The following SEMA6D variants were observed in gnomAD, a reference collection of about 807,000 sequenced individuals.
The protein encoded by SEMA6D is semaphorin-6D.
In SEMA6D, 35 loss-of-function variants were observed where a neutral mutation model predicts 106.6. That is an observed-to-expected ratio of 0.33 (90% confidence interval 0.25 to 0.44). SEMA6D has a LOEUF of 0.44. Among genes scored for constraint, SEMA6D ranks in the 20% least tolerant of loss-of-function variants. SEMA6D has a pLI of 1.00. For synonymous variants in SEMA6D, 499 were observed against 487.7 expected (o/e 1.02, Z -0.31); for missense variants, 1,185 against 1,345.9 (o/e 0.88, Z 1.87).
chr15:47,500,922 C>G (rs1438498607), intron 3 of SEMA6D, among the ~76,000 whole-genome samples: 1 of 152,090 alleles, frequency 6.6e-6, no homozygotes, highest in African/African-American at 2.4e-5. Flanking sequence ...TTTGCAAAAG[C>G]CAACACATAT....
intron 1 of SEMA6D, among the ~76,000 whole-genome samples, chr15:47,396,017 G>T (rs1054805783): frequency 6.6e-6 from 1 of 152,006 alleles, no homozygotes; most frequent in Non-Finnish European, 1.5e-5. Flanking sequence ...TGAAATTCAT[G>T]GTTTTATAAG....
chr15:47,472,185 G>A (rs2042870720), intron 3 of SEMA6D, among the ~76,000 whole-genome samples: 1 of 152,110 alleles, frequency 6.6e-6, no homozygotes, highest in African/African-American at 2.4e-5. Flanking sequence ...TCTCAAAGGG[G>A]CCAAAGTGCT....
chr15:47,519,526 A>G (rs1239281743), intron 3 of SEMA6D, among the ~76,000 whole-genome samples: 2 of 152,224 alleles, frequency 1.3e-5, no homozygotes, highest in Admixed American at 1.3e-4. Flanking sequence ...CGTAAACAAC[A>G]TCAGGACAGC....
chr15:47,282,395 A>C (rs528377311), intron 1 of SEMA6D, among the ~76,000 whole-genome samples: 2 of 152,180 alleles, frequency 1.3e-5, no homozygotes, highest in Non-Finnish European at 2.9e-5. Context: ...ATAGAATACT[A>C]TACAGCAGGG....
intron 1 of SEMA6D, among the ~76,000 whole-genome samples, chr15:47,726,644 A>G (rs2079771139): frequency 6.6e-6 from 1 of 152,192 alleles, no homozygotes; most frequent in South Asian, 2.1e-4. Context: ...TTTTCACCTT[A>G]TAAAAGGTGG....
chr15:47,352,555 G>A (rs1799578352), intron 1 of SEMA6D, among the ~76,000 whole-genome samples: 1 of 152,166 alleles, frequency 6.6e-6, no homozygotes, highest in Non-Finnish European at 1.5e-5. Context: ...CCCATGAGGA[G>A]CTGACCTTGA....
intron 1 of SEMA6D, among the ~76,000 whole-genome samples, chr15:47,250,583 A>C (rs188066083): frequency 6.6e-6 from 1 of 152,196 alleles, no homozygotes; most frequent in Non-Finnish European, 1.5e-5. Flanking sequence ...AAACATTTGG[A>C]AATTGTATAA....
intron 1 of SEMA6D, among the ~76,000 whole-genome samples, chr15:47,245,777 C>A (rs781521920): frequency 6.6e-6 from 1 of 151,960 alleles, no homozygotes; most frequent in Non-Finnish European, 1.5e-5. Flanking sequence ...GTATCCTGAA[C>A]ATTAAATACA....
At chr15:47,657,715 A>ATTTTTTT (rs1555404884) in intron 4 of SEMA6D, among the ~76,000 whole-genome samples, 1 of 44,784 alleles carries the variant, frequency 2.2e-5, no homozygotes, top group Non-Finnish European at 4.4e-5. Flanking sequence ...AGAGGGCTTC[A>ATTTTTTT]TTTCTTTTTT....
intron 3 of SEMA6D, among the ~76,000 whole-genome samples, chr15:47,509,641 T>C (rs1164705228): frequency 6.6e-6 from 1 of 152,236 alleles, no homozygotes; most frequent in Non-Finnish European, 1.5e-5. Context: ...ACACCTTCAC[T>C]CATCCTGTTT....
chr15:47,613,811 C>T (rs1423690445), intron 4 of SEMA6D, among the ~76,000 whole-genome samples: 10 of 152,194 alleles, frequency 6.6e-5, no homozygotes, highest in Non-Finnish European at 8.8e-5. Context: ...CCCGCCACCA[C>T]GCCCAGCTAA....
At chr15:47,730,042 T>G (rs1236750335) in intron 1 of SEMA6D, 8 of 625,294 alleles carry the variant, frequency 1.3e-5, no homozygotes, top group Admixed American at 2.7e-5. Flanking sequence ...AATGCTATGT[T>G]TATCTTCCCA....
rs892401174 is a variant in SEMA6D, at chr15:47,771,339, G to A, written c.2776G>A (p.Glu926Lys). Residue 926 changes from glutamate to lysine, a missense_variant, in exon 19 of 19, where the codon GAG becomes AAG. Transcript: ENST00000536845. ...GGTCCCACCTAAAGTCCCTAACCGG[G>A]AGGCATCGCTATACTCCCCTCCTTC... ...SEVPPKVPNR[E>K]ASLYSPPSTL... 3 of 1,613,918 alleles carry A rather than the reference G, an allele frequency of 1.9e-6. No homozygotes were observed. Among genetic ancestry groups the A allele is most frequent in the South Asian group, 2.2e-5 (2 of 91,060 alleles).
intron 1 of SEMA6D, among the ~76,000 whole-genome samples, chr15:47,401,535 C>T (rs913868887): frequency 6.6e-6 from 1 of 152,058 alleles, no homozygotes; most frequent in East Asian, 1.9e-4. Flanking sequence ...AATGCGTAAC[C>T]CCTCTTCTTC....
chr15:47,730,947 G>A, intron 1 of SEMA6D: 1 of 705,578 alleles, frequency 1.4e-6, no homozygotes, highest in Non-Finnish European at 2.5e-6. Flanking sequence ...TTGGGCAGCG[G>A]GAGGAGAGAG....
At chr15:47,755,145 T>C (rs1254476865) in intron 1 of SEMA6D, among the ~76,000 whole-genome samples, 1 of 152,052 alleles carries the variant, frequency 6.6e-6, no homozygotes, top group Non-Finnish European at 1.5e-5. Context: ...AGAGACAGGG[T>C]TTCACCATGT....
chr15:47,298,785 T>C (rs1218464847), intron 1 of SEMA6D, among the ~76,000 whole-genome samples: 5 of 152,164 alleles, frequency 3.3e-5, no homozygotes, highest in African/African-American at 1.2e-4. Context: ...TGGGCCCAGC[T>C]TCTCCAGCAT....
intron 3 of SEMA6D, among the ~76,000 whole-genome samples, chr15:47,551,615 C>T (rs755642563): frequency 6.6e-6 from 1 of 151,240 alleles, no homozygotes; most frequent in Non-Finnish European, 1.5e-5. Context: ...ATACACAGGG[C>T]AAATACTTGA....
chr15:47,202,993 A>G (rs1894823531), intron 1 of SEMA6D, among the ~76,000 whole-genome samples: 1 of 152,174 alleles, frequency 6.6e-6, no homozygotes, highest in Non-Finnish European at 1.5e-5. Context: ...AGTGAAAACA[A>G]AGAAGGCAAA....
Sources: allele counts gnomAD v4.1 joint callset (sites outside exome capture counted in the v4.1 genomes callset), GRCh38; gene constraint gnomAD v4.1.1; transcripts MANE v1.5; gene names NCBI Gene and HGNC (gene_info 2026-07-23, HGNC 2026-07-21).